TMOD1: variants seen among roughly 807,000 people sequenced by gnomAD.
TMOD1 encodes the protein tropomodulin-1.
In TMOD1, 17 loss-of-function variants were observed where a neutral mutation model predicts 40.6. The ratio of observed to expected loss-of-function variants is 0.42; its 90% confidence interval spans 0.29 to 0.63. The LOEUF (loss-of-function observed/expected upper bound fraction) is 0.63. TMOD1 is among the 20% of genes least tolerant of loss of function. TMOD1 has a pLI of 0.22. For synonymous variants in TMOD1, 181 were observed against 175.0 expected (o/e 1.03, Z -0.27); for missense variants, 391 against 447.6 (o/e 0.87, Z 1.14).
intron 8 of TMOD1, among the ~76,000 whole-genome samples, chr9:97,590,479 G>A (rs1033790500): frequency 6.6e-6 from 1 of 151,986 alleles, no homozygotes; most frequent in Admixed American, 6.6e-5. Context: ...GCCCACCTCC[G>A]CCTCCCAAAG....
intron 1 of TMOD1, among the ~76,000 whole-genome samples, chr9:97,504,766 A>C (rs1374648342): frequency 1.3e-5 from 2 of 152,146 alleles, no homozygotes; most frequent in Non-Finnish European, 2.9e-5. Flanking sequence ...GACATCATCT[A>C]TCGATGACTC....
At chr9:97,562,372 G>A (rs10759781) in intron 4 of TMOD1, among the ~76,000 whole-genome samples, 79,640 of 151,844 alleles carry the variant, frequency 0.52, 20,983 homozygotes, top group Middle Eastern at 0.59. Flanking sequence ...GGGAGAAGGT[G>A]CCACATTCCC....
intron 8 of TMOD1, among the ~76,000 whole-genome samples, chr9:97,581,513 G>A (rs368215148): frequency 6.6e-6 from 1 of 151,930 alleles, no homozygotes; most frequent in African/African-American, 2.4e-5. Flanking sequence ...TATACCCAGT[G>A]ATGGGATGGC....
At chr9:97,509,997 C>T (rs1338551008) in intron 1 of TMOD1, among the ~76,000 whole-genome samples, 4 of 152,068 alleles carry the variant, frequency 2.6e-5, no homozygotes, top group African/African-American at 9.7e-5. Flanking sequence ...AACTCTTTGT[C>T]TATTAAACAA....
chr9:97,547,647 G>C (rs966207346), intron 3 of TMOD1, among the ~76,000 whole-genome samples: 1 of 152,184 alleles, frequency 6.6e-6, no homozygotes, highest in Non-Finnish European at 1.5e-5. Context: ...GGTCTCAACT[G>C]TACAGTCTTC....
At chr9:97,590,731 CTT>C (rs1825983709) in intron 8 of TMOD1, among the ~76,000 whole-genome samples, 1 of 151,854 alleles carries the variant, frequency 6.6e-6, no homozygotes, top group South Asian at 2.1e-4. Flanking sequence ...AGAAAGCTAA[CTT>C]TGGCATTGTC....
At chr9:97,575,895 A>G (rs1242265276) in intron 8 of TMOD1, among the ~76,000 whole-genome samples, 3 of 152,232 alleles carry the variant, frequency 2.0e-5, no homozygotes, top group Non-Finnish European at 4.4e-5. Context: ...GGGCATGCCG[A>G]CTTTTACATC....
At position 97,501,673 on chromosome 9, in the gene TMOD1, T is replaced by G. The variant is rs1344828872; in HGVS notation, c.-179T>G. ...CCGCCCGCGGCCGCCCGGGAGCTCG[T>G]CCAGCCCCGCGCTGCGCTCGCCCGC... On this transcript the variant is annotated 5_prime_UTR_variant, in exon 1 of 10. Coordinates refer to ENST00000259365, the MANE Select transcript of TMOD1 (RefSeq NM_003275.4). 1.4e-5 allele frequency: 2 copies of G among 143,830 alleles called. No individual in the cohort carries two copies. Among genetic ancestry groups the G allele is most frequent in the African/African-American group, 5.1e-5 (2 of 39,492 alleles). The allele number at this position is 143,830 out of a possible 1,614,324, so 8.9% of individuals were successfully genotyped here.
At chr9:97,562,843 G>T in intron 5 of TMOD1, 22 bp downstream of exon 5, 2 of 1,563,820 alleles carry the variant, frequency 1.3e-6, no homozygotes, top group Non-Finnish European at 1.7e-6. Context: ...CCCGCCCCCA[G>T]GAGGGACCTC....
chr9:97,568,205 C>T (rs186963122), intron 7 of TMOD1, among the ~76,000 whole-genome samples: 90 of 152,264 alleles, frequency 5.9e-4, no homozygotes, highest in Non-Finnish European at 1.1e-3. Flanking sequence ...GGAGTATGTA[C>T]AGGAGGTTGA....
chr9:97,516,025 C>T (rs1008788820), intron 1 of TMOD1, among the ~76,000 whole-genome samples: 1 of 152,044 alleles, frequency 6.6e-6, no homozygotes, highest in Non-Finnish European at 1.5e-5. Flanking sequence ...GAAGCTAAGC[C>T]CCCTCAAACT....
chr9:97,592,429 G>GA (rs10710591), intron 9 of TMOD1, among the ~76,000 whole-genome samples: 27 of 146,476 alleles, frequency 1.8e-4, no homozygotes, highest in South Asian at 1.5e-3. Flanking sequence ...TAATGAGTTT[G>GA]AAAAAAAAAA....
chr9:97,531,150 T>G (rs1352045337), intron 2 of TMOD1, among the ~76,000 whole-genome samples: 1 of 152,006 alleles, frequency 6.6e-6, no homozygotes, highest in Non-Finnish European at 1.5e-5. Flanking sequence ...AAGCATTTTA[T>G]GGGCATCATT....
At chr9:97,546,785 C>T (rs560742174) in intron 3 of TMOD1, among the ~76,000 whole-genome samples, 47 of 151,896 alleles carry the variant, frequency 3.1e-4, no homozygotes, top group African/African-American at 7.2e-4. Context: ...AAAAATTAGC[C>T]GAGCATGGTG....
At chr9:97,530,944 T>C (rs1465070394) in intron 2 of TMOD1, among the ~76,000 whole-genome samples, 1 of 151,008 alleles carries the variant, frequency 6.6e-6, no homozygotes, top group African/African-American at 2.4e-5. Flanking sequence ...CACATCACCA[T>C]GCCCGGCTAA....
intron 4 of TMOD1, among the ~76,000 whole-genome samples, chr9:97,561,203 A>G (rs1313811055): frequency 6.6e-6 from 1 of 152,212 alleles, no homozygotes; most frequent in African/African-American, 2.4e-5. Flanking sequence ...AGGTCAGACC[A>G]TCTCACTTCC....
At position 97,591,326 on chromosome 9, in the gene TMOD1, T is replaced by C. The variant is rs1564000906; in HGVS notation, c.906T>C (p.Ile302=). ...TGGGCAACAAAGTGGAAATGGAGATTGTGAGCATGTTGGAAAAAAACGCAA... is the reference window on the plus strand; with the variant it reads ...TGGGCAACAAAGTGGAAATGGAGATCGTGAGCATGTTGGAAAAAAACGCAA... The part of the protein sequence containing the change: ...QPLGNKVEME[I]VSMLEKNATL... The change falls in exon 9 of 10, where the codon ATT becomes ATC. Residue 302 remains isoleucine (I), a synonymous_variant. Coordinates refer to ENST00000259365, the MANE Select transcript of TMOD1 (RefSeq NM_003275.4). 1 of 1,614,192 alleles carries C rather than the reference T, an allele frequency of 6.2e-7. No homozygotes were observed. Among genetic ancestry groups the C allele is most frequent in the Non-Finnish European group, 8.5e-7 (1 of 1,180,042 alleles).
intron 4 of TMOD1, among the ~76,000 whole-genome samples, chr9:97,554,422 T>C (rs62560475): frequency 0.019 from 2,859 of 151,664 alleles, 41 homozygotes; most frequent in Non-Finnish European, 0.027. Flanking sequence ...CCAAGTAGGG[T>C]CAGTTGTATA....
At chr9:97,546,700 AG>A (rs1830365132) in intron 3 of TMOD1, among the ~76,000 whole-genome samples, 1 of 152,176 alleles carries the variant, frequency 6.6e-6, no homozygotes, top group South Asian at 2.1e-4. Context: ...AGACCGAGGC[AG>A]GCAGACCACC....
Sources: gnomAD v4.1 joint callset for allele counts (sites outside exome capture counted in the v4.1 genomes callset) on GRCh38, gnomAD v4.1.1 for gene constraint, MANE v1.5 for transcripts, NCBI Gene and HGNC (gene_info 2026-07-23, HGNC 2026-07-21) for gene names.